PDZD9: variants seen among roughly 807,000 people sequenced by gnomAD.
PDZD9 encodes PDZ domain containing 9.
Under a neutral mutation model 16.3 loss-of-function variants are expected in PDZD9, and 13 were observed. The ratio of observed to expected loss-of-function variants is 0.80; its 90% CI spans 0.52 to 1.27. The LOEUF is 1.27. Ranked by LOEUF, PDZD9 falls within the 50% of genes most tolerant of loss-of-function variation. PDZD9 has a pLI of 0.00. For synonymous variants in PDZD9, 120 were observed against 111.0 expected (o/e 1.08, Z -0.51); for missense variants, 288 against 310.9 (o/e 0.93, Z 0.55).
At chr16:21,960,449 T>G in the PDZD9 span, among the ~76,000 whole-genome samples, 1 of 152,242 alleles carries the variant, frequency 6.6e-6, no homozygotes, top group Non-Finnish European at 1.5e-5. Flanking sequence ...TACAGTTTGA[T>G]CTAATCCAGA....
intron 2 of PDZD9, among the ~76,000 whole-genome samples, chr16:21,995,567 T>C (rs1479714452): frequency 6.6e-6 from 1 of 152,106 alleles, no homozygotes; most frequent in Non-Finnish European, 1.5e-5. Flanking sequence ...GTGATAGCCA[T>C]TGGCTGGCCC....
At chr16:21,971,031 G>A in the PDZD9 span, among the ~76,000 whole-genome samples, 13 of 152,014 alleles carry the variant, frequency 8.6e-5, no homozygotes, top group African/African-American at 2.4e-4. Flanking sequence ...CATTTCATGG[G>A]TCCTCTTTTT....
At chr16:21,978,803 G>A in the PDZD9 span, among the ~76,000 whole-genome samples, 1 of 152,194 alleles carries the variant, frequency 6.6e-6, no homozygotes, top group South Asian at 2.1e-4. Context: ...TGAGTTTCGG[G>A]GCACATACCT....
chr16:21,974,062 T>A, the PDZD9 span: 4 of 1,237,980 alleles, frequency 3.2e-6, no homozygotes, highest in Non-Finnish European at 4.6e-6. Context: ...AAATATGGAA[T>A]GTTTGAATGC....
chr16:21,997,562 C>T (rs892192508), intron 1 of PDZD9, among the ~76,000 whole-genome samples: 1 of 152,082 alleles, frequency 6.6e-6, no homozygotes, highest in Non-Finnish European at 1.5e-5. Context: ...AGGGTCCTGG[C>T]ACATGTCATG....
intron 2 of PDZD9, among the ~76,000 whole-genome samples, chr16:21,995,052 C>G (rs1431728310): frequency 6.6e-6 from 1 of 152,114 alleles, no homozygotes; most frequent in Non-Finnish European, 1.5e-5. Flanking sequence ...GCCCACATCT[C>G]ATGTTCAACT....
At chr16:21,975,588 A>T in the PDZD9 span, among the ~76,000 whole-genome samples, 4 of 152,146 alleles carry the variant, frequency 2.6e-5, no homozygotes, top group African/African-American at 9.7e-5. Flanking sequence ...CCGGAACTTT[A>T]TTCTTTCTTT....
At chr16:22,000,875 T>C in intron 1 of PDZD9, 142 bp downstream of exon 1, 2 of 700,376 alleles carry the variant, frequency 2.9e-6, no homozygotes, top group Non-Finnish European at 4.9e-6. Flanking sequence ...ATGATGATGA[T>C]AATGATGATG....
Position 21,988,809 on chromosome 16 carries a change from T to C in PDZD9, c.212-18A>G. On this transcript the variant is annotated intron_variant, in intron 2 of 3. Transcript: ENST00000424898. ...AACATCACCTGAAGAGGGAAAAAAT[T>C]ATGTATCAGTAAAACTAGAGGTTTA... 6.4e-7 allele frequency: 1 copy of C among 1,572,962 alleles called. No homozygotes were observed. Among genetic ancestry groups the C allele is most frequent in the Non-Finnish European group, 8.6e-7 (1 of 1,160,488 alleles).
At chr16:21,982,975 A>AG, downstream of PDZD9, 1 of 1,007,036 alleles carries the variant, frequency 9.9e-7, no homozygotes, top group East Asian at 2.6e-5. Flanking sequence ...AAAAAAAAAA[A>AG]AAAAAAAAGA....
the PDZD9 span, among the ~76,000 whole-genome samples, chr16:21,967,976 G>A: frequency 0.077 from 11,516 of 149,158 alleles, 630 homozygotes; most frequent in South Asian, 0.25. Flanking sequence ...TTAGGCCAGT[G>A]TATGCTCTAA....
At position 21,983,981 on chromosome 16, in the gene PDZD9, AG is replaced by A; in HGVS notation, c.*285del. 1 of 254,546 alleles carries A rather than the reference AG, an allele frequency of 3.9e-6. No individual in the cohort carries two copies. The highest frequency in any genetic ancestry group is 7.5e-6 in the Non-Finnish European group (1 of 133,904). 15.8% of individuals were successfully genotyped at this position (254,546 alleles called of 1,614,324 possible). On this transcript the variant is annotated 3_prime_UTR_variant, in exon 4 of 4. Transcript: ENST00000424898. The stretch of plus-strand genomic sequence containing the variant: ...TAAAGTGACATTCTCTACTATGTTC[AG>A]ACATTCTGATATTGGATTTCTCTAC...
rs1312082926 is a variant in PDZD9 at position 22,001,070 on chromosome 16, C to T, written c.-23G>A. ...CATGGTCCCGGGAGGTCAGGCAGCC[C>T]GGGAGGGCCTCCCGGAGCAGAGGCT... On this transcript the variant is annotated 5_prime_UTR_variant, in exon 1 of 4. Coordinates refer to ENST00000424898, the MANE Select transcript of PDZD9 (RefSeq NM_001363519.1). 4 of 1,515,256 alleles carry T rather than the reference C, an allele frequency of 2.6e-6. No individual in the cohort carries two copies. The highest frequency in any genetic ancestry group is 1.4e-5 in the African/African-American group (1 of 71,954). 93.9% of individuals were successfully genotyped at this position (1,515,256 alleles called of 1,614,324 possible).
intron 3 of PDZD9, among the ~76,000 whole-genome samples, chr16:21,986,093 A>G (rs970318958): frequency 6.6e-6 from 1 of 152,158 alleles, no homozygotes; most frequent in Non-Finnish European, 1.5e-5. Flanking sequence ...GGCTAGAAAC[A>G]AACTTTCTAT....
the PDZD9 span, among the ~76,000 whole-genome samples, chr16:21,960,704 G>A: frequency 6.6e-5 from 10 of 152,172 alleles, no homozygotes; most frequent in African/African-American, 1.7e-4. Context: ...GGCCATTGTC[G>A]GGTTATTCAT....
At chr16:21,976,534 T>C in the PDZD9 span, 4 of 276,132 alleles carry the variant, frequency 1.4e-5, no homozygotes, top group Non-Finnish European at 2.7e-5. Context: ...TCCACCAAAA[T>C]TAGAGAATAA....
the PDZD9 span, among the ~76,000 whole-genome samples, chr16:21,970,928 G>GT: frequency 4.6e-4 from 68 of 146,942 alleles, no homozygotes; most frequent in Admixed American, 5.4e-4. Context: ...CCATTTTTAA[G>GT]TTTTTTTTTT....
intron 2 of PDZD9, among the ~76,000 whole-genome samples, chr16:21,991,798 T>G (rs1246783058): frequency 1.3e-5 from 2 of 152,052 alleles, no homozygotes; most frequent in Non-Finnish European, 2.9e-5. Flanking sequence ...AACCACTGAG[T>G]TACAGATTTT....
At chr16:21,983,345 T>TAA (rs1567482511), downstream of PDZD9, 1 of 558,096 alleles carries the variant, frequency 1.8e-6, no homozygotes, top group Non-Finnish European at 3.1e-6. Flanking sequence ...ACATTCTGTT[T>TAA]AAGTGTTTTT....
Sources: allele counts gnomAD v4.1 joint callset (sites outside exome capture counted in the v4.1 genomes callset), GRCh38; gene constraint gnomAD v4.1.1; transcripts MANE v1.5; gene names NCBI Gene and HGNC (gene_info 2026-07-23, HGNC 2026-07-21).